PODNL1: variants seen among roughly 807,000 people sequenced by gnomAD.
The protein encoded by PODNL1 is podocan like 1.
A neutral mutation model predicts 45.1 loss-of-function variants in PODNL1; 50 were observed. The ratio of observed to expected loss-of-function variants is 1.11; its 90% CI spans 0.88 to 1.40. The LOEUF is 1.40. PODNL1 is among the 40% of genes most tolerant of loss of function. The probability of loss-of-function intolerance (pLI) is 0.00; values close to 1 mark genes in which losing one functional copy is unlikely to be tolerated. For missense variants in PODNL1, 788 were observed against 793.3 expected (o/e 0.99, Z 0.08); for synonymous variants, 406 against 372.5 (o/e 1.09, Z -1.04).
At chr19:13,946,103 A>G (rs1568443293) in intron 1 of PODNL1, among the ~76,000 whole-genome samples, 1 of 152,150 alleles carries the variant, frequency 6.6e-6, no homozygotes, top group Admixed American at 6.6e-5. Context: ...GAGAAACACC[A>G]TCTTTCTACT....
Position 13,933,546 on chromosome 19 carries a change from C to T in PODNL1, c.768-91G>A. On this transcript the variant is annotated intron_variant, in intron 7 of 9. Coordinates refer to ENST00000588872, the MANE Select transcript of PODNL1 (RefSeq NM_001370095.3). This position sits in a 1 kb window ranked among gnomAD's most constrained non-coding sequence, Gnocchi z 5.2. Reference sequence around the variant, plus strand: ...GGGAGGCTGGGGAGTGGTCCTGAGACAGATTTAAGCTGGAGATTTTGACTT... The same window carrying T: ...GGGAGGCTGGGGAGTGGTCCTGAGATAGATTTAAGCTGGAGATTTTGACTT... 5.2e-6 allele frequency: 7 copies of T among 1,336,276 alleles called. No homozygotes were observed. The highest frequency in any genetic ancestry group is 1.5e-5 in the African/African-American group (1 of 68,628). The allele number at this position is 1,336,276 out of a possible 1,614,324, so 82.8% of individuals were successfully genotyped here. A position where few individuals can be genotyped will look rare whatever the true frequency, so the allele number is the denominator to read the frequency against.
Position 13,934,008 on chromosome 19 carries a change from A to C in PODNL1, c.652-15T>G. 6.3e-7 allele frequency: 1 copy of C among 1,584,196 alleles called. No individual in the cohort carries two copies. ...ATGAGATTGTTCTGGAGAAGGAAGA[A>C]GAGAATGAGACTTGAGTCTGGGATG... On this transcript the variant is annotated splice_polypyrimidine_tract_variant and intron_variant, in intron 6 of 9. Coordinates refer to ENST00000588872, the MANE Select transcript of PODNL1 (RefSeq NM_001370095.3).
chr19:13,942,145 C>A (rs1972674980), upstream of PODNL1, among the ~76,000 whole-genome samples: 1 of 152,150 alleles, frequency 6.6e-6, no homozygotes, highest in Non-Finnish European at 1.5e-5. Flanking sequence ...CTTTCCATTG[C>A]AAAGGAAGGA....
Position 13,937,955 on chromosome 19 carries a change from C to A in PODNL1, c.55G>T (p.Gly19Cys), listed in dbSNP as rs538215149. 2.6e-6 allele frequency: 4 copies of A among 1,542,966 alleles called. No homozygotes were observed. The highest frequency in any genetic ancestry group is 3.4e-4 in the Middle Eastern group (2 of 5,940). Residue 19 changes from glycine (G) to cysteine (C), a missense_variant, in exon 2 of 10, where the codon GGC (glycine) becomes TGC (cysteine). Coordinates refer to ENST00000588872, the MANE Select transcript of PODNL1 (RefSeq NM_001370095.3). ...LLLPGPPPVA[G>C]LEDAAFPHLG... ...TGGGGGAAGGCAGCGTCTTCCAAGC[C>A]GGCGACGGGCGGGGGCCCCGGCAAC...
upstream of PODNL1, among the ~76,000 whole-genome samples, chr19:13,939,272 C>G (rs1034651662): frequency 6.6e-6 from 1 of 152,154 alleles, no homozygotes. Flanking sequence ...AGGGCAGTGG[C>G]GTGATCTCGG....
chr19:13,950,029 C>T lies in PODNL1; in HGVS notation c.18+3090G>A, dbSNP rs116012980. 3.4e-3 allele frequency among the ~76,000 whole-genome samples: 516 copies of T among 150,946 alleles called. 4 individuals are homozygous for T. The highest frequency in any genetic ancestry group is 0.011 in the African/African-American group (452 of 41,056). ...CGTGTGCCACCTGAGATTACAGGCCCGGCTAATTTTCTGTATTTTTAGTAG... is the reference window on the plus strand; with the variant it reads ...CGTGTGCCACCTGAGATTACAGGCCTGGCTAATTTTCTGTATTTTTAGTAG... On this transcript the variant is annotated intron_variant, in intron 1 of 7. Coordinates refer to the PODNL1 transcript ENST00000538371.
At chr19:13,935,362 T>C (rs778116206) in intron 5 of PODNL1, among the ~76,000 whole-genome samples, 15 of 152,202 alleles carry the variant, frequency 9.9e-5, no homozygotes, top group Non-Finnish European at 2.1e-4. Context: ...AGTCTCACTC[T>C]GTCGCCCAGG....
At chr19:13,934,500 T>C in intron 5 of PODNL1, 90 bp from the exon 6 acceptor site, 1 of 433,848 alleles carries the variant, frequency 2.3e-6, no homozygotes, top group South Asian at 4.2e-5. Flanking sequence ...TCGCCTTCAG[T>C]GTGTGTGTGT....
In PODNL1 at chr19:13,937,998, G is replaced by T. The variant is rs1274110343; in HGVS notation, c.12C>A (p.Ser4Arg). MWP[S>R]LLLLLLLPGP... ...CCGGCAACAGCAGGAGCAGCAGCAG[G>T]CTCGGCCACTGCGGGGGAGGGAGGG... The change falls in exon 2 of 10, where the codon AGC becomes AGA. Residue 4 changes from serine to arginine, a missense_variant. Coordinates refer to ENST00000588872, the MANE Select transcript of PODNL1 (RefSeq NM_001370095.3). 2.9e-5 allele frequency: 45 copies of T among 1,531,034 alleles called. No homozygotes were observed. Among genetic ancestry groups the T allele is most frequent in the Non-Finnish European group, 3.7e-5 (42 of 1,133,974 alleles). The allele number at this position is 1,531,034 out of a possible 1,614,324, so 94.8% of individuals were successfully genotyped here.
chr19:13,932,007 CG>C lies in PODNL1; in HGVS notation c.1530del (p.Glu511ArgfsTer21). The part of the protein sequence containing the change: ...LEGNRIGHVG[P>X]EAFLSTPRLR... Reference sequence around the variant, plus strand: ...AGGCGGGGTGTGCTGAGGAAGGCCTCGGGGCCCACGTGGCCGATGCGGTTGC... The same window carrying C: ...AGGCGGGGTGTGCTGAGGAAGGCCTCGGGCCCACGTGGCCGATGCGGTTGC... On this transcript the variant is annotated frameshift_variant, in exon 9 of 10. Transcript: ENST00000588872. LOFTEE classifies it low-confidence loss of function (END_TRUNC). The C allele has an allele frequency of 8.1e-7, 1 of 1,232,348 alleles. No individual in the cohort carries two copies. Among genetic ancestry groups the C allele is most frequent in the South Asian group, 4.1e-5 (1 of 24,316 alleles). The allele number at this position is 1,232,348 out of a possible 1,614,324, so 76.3% of individuals were successfully genotyped here.
At position 13,933,973 on chromosome 19, in the gene PODNL1, C is replaced by A. The variant is rs767400052; in HGVS notation, c.672G>T (p.Val224=). ...TCTGGCGGCTCAGGGCTCCTCGGGG[C>A]ACCTTGGAGATGAGATTGTTCTGGA... is the stretch of plus-strand genomic sequence containing the variant. ...LHLQNNLISK[V]PRGALSRQTQ... Residue 224 remains valine (V), a synonymous_variant, in exon 7 of 10, where the codon GTG becomes GTT. Transcript: ENST00000588872. This position sits in a 1 kb window ranked among gnomAD's most constrained non-coding sequence, Gnocchi z 5.2. The A allele has an allele frequency of 1.2e-6, 2 of 1,609,128 alleles. No individual in the cohort carries two copies. The highest frequency in any genetic ancestry group is 1.7e-6 in the Non-Finnish European group (2 of 1,177,786).
In PODNL1 at chr19:13,938,010, C is replaced by T. The variant is rs1469307472; in HGVS notation, c.4-4G>A. On this transcript the variant is annotated splice_polypyrimidine_tract_variant and splice_region_variant and intron_variant, in intron 1 of 9. Coordinates refer to ENST00000588872, the MANE Select transcript of PODNL1 (RefSeq NM_001370095.3). ...GGAGCAGCAGCAGGCTCGGCCACTG[C>T]GGGGGAGGGAGGGTCAGCGTGTCTC... 1.3e-5 allele frequency: 20 copies of T among 1,515,170 alleles called. No individual in the cohort carries two copies. Among genetic ancestry groups the T allele is most frequent in the South Asian group, 8.6e-5 (7 of 81,288 alleles). 93.9% of individuals were successfully genotyped at this position (1,515,170 alleles called of 1,614,324 possible).
intron 1 of PODNL1, among the ~76,000 whole-genome samples, chr19:13,944,703 G>A (rs1016931073): frequency 2.6e-5 from 4 of 151,800 alleles, no homozygotes; most frequent in African/African-American, 9.7e-5. Flanking sequence ...TGATCCGCCC[G>A]CCTTGGCCTT....
At chr19:13,953,204 C>T in exon 1 of PODNL1, 3 of 1,419,812 alleles carry the variant, frequency 2.1e-6, no homozygotes, top group Non-Finnish European at 1.9e-6. Flanking sequence ...CCGAAGCAGG[C>T]TCTGTCTCCT....
chr19:13,952,338 G>C (rs1243122769), intron 1 of PODNL1, among the ~76,000 whole-genome samples: 3 of 152,230 alleles, frequency 2.0e-5, no homozygotes, highest in Non-Finnish European at 2.9e-5. Flanking sequence ...CGGGCCGCGG[G>C]GGCTGTTACT....
Position 13,936,419 on chromosome 19 carries a change from G to A in PODNL1, c.267C>T (p.Arg89=). 6.2e-7 allele frequency: 1 copy of A among 1,613,590 alleles called. No individual in the cohort carries two copies. ...GGTTGAGGGTTCGCAGGCCACTGAG[G>A]CGGGACAGCTCATTGTAGGGGAGTT... is the stretch of plus-strand genomic sequence containing the variant. ...LQELPYNELS[R]LSGLRTLNLH... The change falls in exon 3 of 10, where the codon CGC becomes CGT. Residue 89 remains arginine (R), a synonymous_variant. Transcript: ENST00000588872.
At chr19:13,934,106 T>A in intron 6 of PODNL1, 113 bp from the exon 7 acceptor site, 1 of 1,385,956 alleles carries the variant, frequency 7.2e-7, no homozygotes, top group Non-Finnish European at 9.9e-7. Context: ...TCAAAGCGAT[T>A]TCCAATAAAG....
chr19:13,938,557 A>T, upstream of PODNL1: 12 of 713,896 alleles, frequency 1.7e-5, no homozygotes, highest in Non-Finnish European at 1.9e-5. Flanking sequence ...CCGCAGGAGT[A>T]GGGGTGGGGA....
In PODNL1 at chr19:13,935,783, A is replaced by G. The variant is rs897588875; in HGVS notation, c.432T>C (p.Asp144=). The part of the protein sequence containing the change: ...QFLPRSLRVA[D]LAANQVMEIF... ...TCTCCATCACTTGGTTGGCAGCCAG[A>G]TCCGCGACACGGAGGGACCGGGGCA... Residue 144 remains aspartate, a synonymous_variant, in exon 5 of 10, where the codon GAT becomes GAC. Coordinates refer to ENST00000588872, the MANE Select transcript of PODNL1 (RefSeq NM_001370095.3). The G allele has an allele frequency of 1.3e-6, 2 of 1,598,768 alleles. No individual in the cohort carries two copies. The highest frequency in any genetic ancestry group is 1.7e-6 in the Non-Finnish European group (2 of 1,175,564).
Sources: gnomAD v4.1 joint callset for allele counts (sites outside exome capture counted in the v4.1 genomes callset) on GRCh38, gnomAD v4.1.1 for gene constraint, Gnocchi (gnomAD v3.1) non-coding constraint, MANE v1.5 for transcripts, NCBI Gene and HGNC (gene_info 2026-07-23, HGNC 2026-07-21) for gene names.